The following HIF3A variants were observed in gnomAD, a reference collection of about 807,000 sequenced individuals.
HIF3A encodes hypoxia inducible factor 3 subunit alpha.
A neutral mutation model predicts 67.2 loss-of-function variants in HIF3A; 41 were observed. The ratio of observed to expected loss-of-function variants is 0.61; its 90% CI spans 0.48 to 0.79. HIF3A has a LOEUF of 0.79. HIF3A is among the 30% of genes least tolerant of loss of function. The probability of loss-of-function intolerance (pLI) is 0.00; values close to 1 mark genes in which losing one functional copy is unlikely to be tolerated. For missense variants in HIF3A, 855 were observed against 898.0 expected, an observed-to-expected ratio of 0.95 and a Z score of 0.61; for synonymous variants, 356 against 374.8, an observed-to-expected ratio of 0.95 and a Z score of 0.58.
At position 46,339,697 on chromosome 19, in the gene HIF3A, C is replaced by T; in HGVS notation, c.*75C>T. On this transcript the variant is annotated 3_prime_UTR_variant, in exon 15 of 15. Transcript: ENST00000377670. Reference sequence around the variant, plus strand: ...CCACACTCCACGCCGGCAGCCAACGCACAGGATGGGGGCGCCAGGAGAGGG... The same window carrying T: ...CCACACTCCACGCCGGCAGCCAACGTACAGGATGGGGGCGCCAGGAGAGGG... 2 of 1,122,604 alleles carry T rather than the reference C, an allele frequency of 1.8e-6. No individual in the cohort carries two copies. The highest frequency in any genetic ancestry group is 2.5e-6 in the Non-Finnish European group (2 of 786,740). The allele number at this position is 1,122,604 out of a possible 1,614,324, so 69.5% of individuals were successfully genotyped here. A position where few individuals can be genotyped will look rare whatever the true frequency, so the allele number is the denominator to read the frequency against.
chr19:46,301,536 C>T (rs1386254581), intron 1 of HIF3A, among the ~76,000 whole-genome samples: 1 of 152,110 alleles, frequency 6.6e-6, no homozygotes, highest in Admixed American at 6.6e-5. Context: ...GTTTAAAATG[C>T]CCCCCTCCGC....
At position 46,309,318 on chromosome 19, in the gene HIF3A, C is replaced by T. The variant is rs377443020; in HGVS notation, c.729C>T (p.Ser243=). 3.0e-5 allele frequency: 49 copies of T among 1,612,792 alleles called. No homozygotes were observed. The highest frequency in any genetic ancestry group is 3.9e-5 in the Non-Finnish European group (46 of 1,179,568). Residue 243 remains serine, a synonymous_variant, in exon 6 of 15, where the codon AGC becomes AGT. Coordinates refer to ENST00000377670, the MANE Select transcript of HIF3A (RefSeq NM_152795.4). ...EPPLGRGAFL[S]RHSLDMKFTY... Reference sequence around the variant, plus strand: ...CACTGGGCCGAGGGGCCTTCCTCAGCCGCCACAGCCTGGACATGAAGTTCA... The same window carrying T: ...CACTGGGCCGAGGGGCCTTCCTCAGTCGCCACAGCCTGGACATGAAGTTCA...
At chr19:46,314,532 A>G (rs979846689) in intron 8 of HIF3A, among the ~76,000 whole-genome samples, 5 of 147,438 alleles carry the variant, frequency 3.4e-5, no homozygotes, top group African/African-American at 9.8e-5. Context: ...TTACACAATT[A>G]CCACAATTTA....
chr19:46,324,985 TTGTGTGTG>T (rs542186240), intron 10 of HIF3A, among the ~76,000 whole-genome samples: 3 of 127,916 alleles, frequency 2.3e-5, no homozygotes, highest in African/African-American at 3.0e-5. Flanking sequence ...CACACATATA[TTGTGTGTG>T]TGTGTGTGTG....
intron 8 of HIF3A, among the ~76,000 whole-genome samples, chr19:46,315,447 C>T (rs963890755): frequency 1.4e-5 from 2 of 146,784 alleles, no homozygotes; most frequent in Non-Finnish European, 3.0e-5. Context: ...GTTTTTTTAT[C>T]CATTCACCAG....
chr19:46,336,085 CTTTT>C (rs1017798750), intron 14 of HIF3A, among the ~76,000 whole-genome samples: 1 of 79,396 alleles, frequency 1.3e-5, no homozygotes, highest in Non-Finnish European at 2.3e-5. Context: ...CTCTCTCTCT[CTTTT>C]TTTTTTTTTT....
intron 6 of HIF3A, among the ~76,000 whole-genome samples, chr19:46,311,025 A>T (rs908241205): frequency 8.5e-5 from 13 of 152,288 alleles, no homozygotes; most frequent in African/African-American, 3.1e-4. Flanking sequence ...TGCTGGGATT[A>T]CAGGCGTGAG....
At chr19:46,322,897 G>A (rs143046962) in intron 10 of HIF3A, among the ~76,000 whole-genome samples, 3,068 of 152,212 alleles carry the variant, frequency 0.02, 61 homozygotes, top group Middle Eastern at 0.037. Context: ...CTTCCATGCC[G>A]TCCCGGGCAC....
chr19:46,331,038 G>T, intron 12 of HIF3A, 118 bp from the exon 13 acceptor site: 1 of 668,458 alleles, frequency 1.5e-6, no homozygotes, highest in Admixed American at 2.7e-5. Flanking sequence ...GTGGGTGTAT[G>T]ACTAAAGGAA....
chr19:46,336,860 GC>G (rs1409907887), intron 14 of HIF3A, among the ~76,000 whole-genome samples: 1 of 152,080 alleles, frequency 6.6e-6, no homozygotes, highest in Non-Finnish European at 1.5e-5. Context: ...ACTGGCAGGC[GC>G]CTGTAATCCC....
intron 11 of HIF3A, 49 bp from the exon 12 acceptor site, chr19:46,329,158 C>T (rs1970998352): frequency 2.0e-6 from 3 of 1,524,912 alleles, no homozygotes; most frequent in Admixed American, 4.0e-5. Flanking sequence ...CAGCCAAGGT[C>T]CACCCAAGTC....
intron 11 of HIF3A, 98 bp from the exon 12 acceptor site, chr19:46,329,109 C>A: frequency 8.4e-7 from 1 of 1,185,888 alleles, no homozygotes; most frequent in Non-Finnish European, 1.2e-6. Context: ...AGACTGTTGA[C>A]CACAGGCACA....
Position 46,322,620 on chromosome 19 carries a change from T to A in HIF3A, c.1335+654T>A, listed in dbSNP as rs148969056. On this transcript the variant is annotated intron_variant, in intron 10 of 14. Coordinates refer to ENST00000377670, the MANE Select transcript of HIF3A (RefSeq NM_152795.4). ...ACACCTGGTTAATTTTTTGTATTTT[T>A]AGTAGAGGCAGGGTTTCACCATGTT... Among the ~76,000 whole-genome samples, 377 of 152,030 alleles carry A rather than the reference T, an allele frequency of 2.5e-3. 15 individuals carry two copies. The East Asian group carries it at 0.063, about 25-fold the overall frequency.
chr19:46,308,283 G>A lies in HIF3A; in HGVS notation c.426G>A (p.Gln142=). The part of the protein sequence containing the change: ...FIHPCDQEEL[Q]DALTPQQTLS... Reference sequence around the variant, plus strand: ...ACCCCTGTGACCAAGAGGAGCTTCAGGACGCCCTGACCCCCCAGCAGAGTG... The same window carrying A: ...ACCCCTGTGACCAAGAGGAGCTTCAAGACGCCCTGACCCCCCAGCAGAGTG... Residue 142 remains glutamine, a synonymous_variant, in exon 4 of 15, where the codon CAG becomes CAA. Transcript: ENST00000377670. 1.9e-6 allele frequency: 3 copies of A among 1,613,352 alleles called. No individual in the cohort carries two copies. The highest frequency in any genetic ancestry group is 1.7e-6 in the Non-Finnish European group (2 of 1,179,560).
chr19:46,313,986 T>G (rs2147187836), intron 8 of HIF3A, among the ~76,000 whole-genome samples: 1 of 152,056 alleles, frequency 6.6e-6, no homozygotes, highest in South Asian at 2.1e-4. Flanking sequence ...TATCAGTAGT[T>G]CCTTTGTAAA....
intron 8 of HIF3A, chr19:46,312,868 T>G: frequency 8.5e-7 from 1 of 1,177,492 alleles, no homozygotes; most frequent in Non-Finnish European, 1.0e-6. Flanking sequence ...TGTGTATGGG[T>G]GTGTAGACTG....
intron 1 of HIF3A, among the ~76,000 whole-genome samples, chr19:46,302,822 CA>C (rs139754126): frequency 2.0e-3 from 307 of 152,080 alleles, no homozygotes; most frequent in African/African-American, 6.8e-3. Context: ...TGCAGTGAGC[CA>C]TATTCATGCC....
chr19:46,316,222 C>T (rs943133836), intron 8 of HIF3A, among the ~76,000 whole-genome samples: 1 of 152,038 alleles, frequency 6.6e-6, no homozygotes, highest in African/African-American at 2.4e-5. Flanking sequence ...CAGAAGGAGA[C>T]ACCATTTCCA....
In HIF3A at chr19:46,311,829, C is replaced by G. The variant is rs180960190; in HGVS notation, c.771-332C>G. 1.4e-3 allele frequency among the ~76,000 whole-genome samples: 210 copies of G among 152,256 alleles called. 1 individual carries two copies. Among genetic ancestry groups the G allele is most frequent in the African/African-American group, 4.9e-3 (202 of 41,538 alleles). ...TGAGCCATGATTGAACCACTGCACT[C>G]TAGTCTGCGTGACAGAGCGAGAGCC... is the stretch of plus-strand genomic sequence containing the variant. On this transcript the variant is annotated intron_variant, in intron 6 of 14. Coordinates refer to ENST00000377670, the MANE Select transcript of HIF3A (RefSeq NM_152795.4).
Sources: gnomAD v4.1 joint callset for allele counts (sites outside exome capture counted in the v4.1 genomes callset) on GRCh38, gnomAD v4.1.1 for gene constraint, MANE v1.5 for transcripts, NCBI Gene and HGNC (gene_info 2026-07-23, HGNC 2026-07-21) for gene names.